The following ROBO2 variants were observed in gnomAD, a reference collection of about 807,000 sequenced individuals.
ROBO2 encodes the protein roundabout guidance receptor 2.
A neutral mutation model predicts 160.8 loss-of-function variants in ROBO2; 53 were observed. The observed-to-expected ratio is 0.33, with a 90% CI of 0.26 to 0.41. The LOEUF is 0.41. Ranked by LOEUF, ROBO2 falls within the 10% of genes least tolerant of loss-of-function variation. The probability of loss-of-function intolerance (pLI) is 1.00; values close to 1 mark genes in which losing one functional copy is unlikely to be tolerated. For synonymous variants in ROBO2, 664 were observed against 611.7 expected (o/e 1.09, Z -1.26); for missense variants, 1,577 against 1,722.4 (o/e 0.92, Z 1.49).
At chr3:76,448,642 A>C (rs1236051650) in intron 2 of ROBO2, among the ~76,000 whole-genome samples, 1 of 152,210 alleles carries the variant, frequency 6.6e-6, no homozygotes, top group African/African-American at 2.4e-5. Flanking sequence ...GTATTCTTCA[A>C]ATCCTTCCAA....
intron 2 of ROBO2, among the ~76,000 whole-genome samples, chr3:77,169,801 G>A (rs1423354104): frequency 6.6e-6 from 1 of 152,002 alleles, no homozygotes; most frequent in Admixed American, 6.6e-5. Flanking sequence ...TGAGTTAAAA[G>A]TGTTCCATAG....
At chr3:77,187,017 C>T (rs1233532632) in intron 2 of ROBO2, among the ~76,000 whole-genome samples, 1 of 151,874 alleles carries the variant, frequency 6.6e-6, no homozygotes, top group Non-Finnish European at 1.5e-5. Flanking sequence ...CAAATGTAAT[C>T]GCAGCTATTG....
intron 2 of ROBO2, among the ~76,000 whole-genome samples, chr3:76,030,995 G>T (rs144010655): frequency 5.5e-4 from 84 of 152,068 alleles, no homozygotes; most frequent in African/African-American, 1.7e-3. Flanking sequence ...CTTCCTATTC[G>T]TGAGCATGGA....
intron 2 of ROBO2, among the ~76,000 whole-genome samples, chr3:75,942,007 T>C (rs559319265): frequency 1.3e-5 from 2 of 152,268 alleles, no homozygotes; most frequent in East Asian, 3.9e-4. Flanking sequence ...TTCCTTACAA[T>C]CGTTTCCCAG....
At chr3:76,804,598 A>C (rs949926844) in intron 2 of ROBO2, among the ~76,000 whole-genome samples, 2 of 152,212 alleles carry the variant, frequency 1.3e-5, no homozygotes. Flanking sequence ...GAGAGCAGAC[A>C]GTCCCTAAAT....
chr3:76,177,449 G>T (rs1287134072), intron 2 of ROBO2, among the ~76,000 whole-genome samples: 1 of 152,140 alleles, frequency 6.6e-6, no homozygotes, highest in Non-Finnish European at 1.5e-5. Context: ...AGTATGGGGA[G>T]CAATGTTGAT....
intron 2 of ROBO2, among the ~76,000 whole-genome samples, chr3:75,945,404 A>G (rs1948241928): frequency 6.6e-6 from 1 of 152,134 alleles, no homozygotes; most frequent in Admixed American, 6.6e-5. Flanking sequence ...AAGATTCCAG[A>G]AGTAACAGAA....
At chr3:76,823,598 A>G (rs2109176212) in intron 2 of ROBO2, among the ~76,000 whole-genome samples, 1 of 152,312 alleles carries the variant, frequency 6.6e-6, no homozygotes, top group African/African-American at 2.4e-5. Flanking sequence ...TCAACAAAAG[A>G]ATTATGAGTG....
At chr3:77,481,530 A>G (rs1484559368) in intron 4 of ROBO2, among the ~76,000 whole-genome samples, 2 of 152,108 alleles carry the variant, frequency 1.3e-5, no homozygotes, top group African/African-American at 4.8e-5. Flanking sequence ...CACTCATTCA[A>G]CTCTCATGCA....
In ROBO2 at chr3:77,493,410, G is replaced by T. The variant is rs754375071; in HGVS notation, c.806+28G>T. The T allele has an allele frequency of 1.9e-6, 3 of 1,611,178 alleles. No individual in the cohort carries two copies. The African/African-American group carries it at 4.0e-5, about 22-fold the overall frequency. On this transcript the variant is annotated intron_variant, in intron 5 of 25. Transcript: ENST00000461745. Reference sequence around the variant, plus strand: ...AAGACCAACATATGGATGGAAGATTGTTAGATAACCAATGAATAATTAGAA... The same window carrying T: ...AAGACCAACATATGGATGGAAGATTTTTAGATAACCAATGAATAATTAGAA...
chr3:77,252,831 A>AAAAAAAAAATATATATATAT, intron 2 of ROBO2, among the ~76,000 whole-genome samples: 2 of 12,516 alleles, frequency 1.6e-4, no homozygotes, highest in African/African-American at 3.2e-4. Context: ...AAAAAAAAAA[A>AAAAAAAAAATATATATATAT]ATATATATAT....
Position 76,071,787 on chromosome 3 carries a change from A to G in ROBO2, c.109+134185A>G, listed in dbSNP as rs1473062981. On this transcript the variant is annotated intron_variant, in intron 2 of 26. Coordinates refer to the ROBO2 transcript ENST00000487694. The stretch of plus-strand genomic sequence containing the variant: ...ATACTTTAAAAATATATATTTTTTA[A>G]TGATTATAATCTTATTATTATTAAT... 2.6e-5 allele frequency among the ~76,000 whole-genome samples: 4 copies of G among 151,818 alleles called. No homozygotes were observed. The East Asian group carries it at 7.8e-4, about 29-fold the overall frequency.
At chr3:76,808,785 T>C (rs555597411) in intron 2 of ROBO2, among the ~76,000 whole-genome samples, 7 of 152,170 alleles carry the variant, frequency 4.6e-5, no homozygotes, top group African/African-American at 1.7e-4. Context: ...AATTCGGATA[T>C]AGAAGTTAAA....
intron 2 of ROBO2, among the ~76,000 whole-genome samples, chr3:76,134,143 CAACT>C (rs1269015018): frequency 6.6e-6 from 1 of 152,074 alleles, no homozygotes; most frequent in Non-Finnish European, 1.5e-5. Flanking sequence ...TTTCAGACTT[CAACT>C]GTTTCAGAGC....
chr3:75,946,730 C>G (rs531169926), intron 2 of ROBO2, among the ~76,000 whole-genome samples: 1 of 152,070 alleles, frequency 6.6e-6, no homozygotes, highest in Admixed American at 6.6e-5. Context: ...TAGTTTCTTA[C>G]AAAGAAAGCC....
At chr3:77,447,612 C>T (rs979580388) in intron 2 of ROBO2, among the ~76,000 whole-genome samples, 22 of 152,170 alleles carry the variant, frequency 1.4e-4, no homozygotes, top group East Asian at 3.9e-4. Flanking sequence ...TTGCTTGAGA[C>T]GGAATTCATT....
intron 2 of ROBO2, among the ~76,000 whole-genome samples, chr3:76,373,252 G>A (rs944858930): frequency 6.6e-6 from 1 of 151,932 alleles, no homozygotes; most frequent in Non-Finnish European, 1.5e-5. Context: ...CTCCCTGCCT[G>A]ATTGTAAAGA....
At chr3:76,863,287 T>C (rs1224087801) in intron 2 of ROBO2, among the ~76,000 whole-genome samples, 1 of 152,006 alleles carries the variant, frequency 6.6e-6, no homozygotes, top group African/African-American at 2.4e-5. Context: ...ACTGTGTACA[T>C]GTCCTTCATA....
At chr3:75,921,213 T>C (rs764729221) in intron 1 of ROBO2, among the ~76,000 whole-genome samples, 1 of 152,064 alleles carries the variant, frequency 6.6e-6, no homozygotes, top group Non-Finnish European at 1.5e-5. Context: ...GGAGCTCTTA[T>C]AAGGCAGGAC....
Sources: allele counts gnomAD v4.1 joint callset (sites outside exome capture counted in the v4.1 genomes callset), GRCh38; gene constraint gnomAD v4.1.1; transcripts MANE v1.5; gene names NCBI Gene and HGNC (gene_info 2026-07-23, HGNC 2026-07-21).